TENM3: variants seen among roughly 807,000 people sequenced by gnomAD.
TENM3 encodes teneurin transmembrane protein 3.
In TENM3, 63 loss-of-function variants were observed where a neutral mutation model predicts 255.1. The observed-to-expected ratio is 0.25, with a 90% CI of 0.20 to 0.30. TENM3 has a LOEUF of 0.30. Among genes scored for constraint, TENM3 ranks in the 10% least tolerant of loss-of-function variants. The probability of loss-of-function intolerance (pLI) is 1.00; values close to 1 mark genes in which losing one functional copy is unlikely to be tolerated. For synonymous variants in TENM3, 1,306 were observed against 1,322.3 expected, an observed-to-expected ratio of 0.99 and a Z score of 0.27; for missense variants, 2,929 against 3,461.1, an observed-to-expected ratio of 0.85 and a Z score of 3.86.
In TENM3 at chr4:182,753,517, A is replaced by G. The variant is rs779159140; in HGVS notation, c.3930A>G (p.Gln1310=). Reference sequence around the variant, plus strand: ...GAACCATGATTAGGAAAGTTGACCAAAATGGAATCATATCAACTCTTCTGG... The same window carrying G: ...GAACCATGATTAGGAAAGTTGACCAGAATGGAATCATATCAACTCTTCTGG... ...VDGTMIRKVD[Q]NGIISTLLGS... is the part of the protein sequence containing the mutation. The change falls in exon 21 of 28, where the codon CAA becomes CAG. Residue 1310 remains glutamine, a synonymous_variant. Coordinates refer to ENST00000511685, the MANE Select transcript of TENM3 (RefSeq NM_001080477.4). 7.4e-6 allele frequency: 12 copies of G among 1,613,778 alleles called. No homozygotes were observed. In the East Asian group the frequency reaches 2.5e-4, roughly 33 times the overall value.
chr4:181,499,466 A>G, the TENM3 span, among the ~76,000 whole-genome samples: 1 of 152,202 alleles, frequency 6.6e-6, no homozygotes, highest in Non-Finnish European at 1.5e-5. Context: ...CATCGTTGTT[A>G]TCTTGAACAA....
the TENM3 span, among the ~76,000 whole-genome samples, chr4:181,821,295 T>C: frequency 1.3e-5 from 2 of 152,208 alleles, no homozygotes; most frequent in Non-Finnish European, 2.9e-5. Context: ...TGCCGCTTGC[T>C]CCAAAAAAGC....
chr4:182,752,448 C>A (rs1762441243), intron 20 of TENM3, among the ~76,000 whole-genome samples: 1 of 152,082 alleles, frequency 6.6e-6, no homozygotes, highest in African/African-American at 2.4e-5. Flanking sequence ...GAGCCCTCAC[C>A]CTCTTTGGAG....
rs569587072 is a variant in TENM3, at chr4:182,695,093, A to G, written c.2221+6742A>G. On this transcript the variant is annotated intron_variant, in intron 12 of 27. Coordinates refer to ENST00000511685, the MANE Select transcript of TENM3 (RefSeq NM_001080477.4). Reference sequence around the variant, plus strand: ...AATATCTTTTTAGATTTTAAGTCACATTTTGTTTATAATTTCCAATAACAG... The same window carrying G: ...AATATCTTTTTAGATTTTAAGTCACGTTTTGTTTATAATTTCCAATAACAG... Among the ~76,000 whole-genome samples, 6 of 152,318 alleles carry G rather than the reference A, an allele frequency of 3.9e-5. No individual in the cohort carries two copies. In the East Asian group the frequency reaches 1.2e-3, roughly 29 times the overall value.
chr4:182,104,316 C>T, the TENM3 span, among the ~76,000 whole-genome samples: 1 of 152,098 alleles, frequency 6.6e-6, no homozygotes, highest in African/African-American at 2.4e-5. Flanking sequence ...ACATGATCCC[C>T]TTGAATAGGG....
the TENM3 span, among the ~76,000 whole-genome samples, chr4:182,110,456 G>T: frequency 2.0e-5 from 3 of 151,902 alleles, no homozygotes; most frequent in Admixed American, 6.6e-5. Context: ...TCCCGAGTAG[G>T]TGGGACCACT....
intron 6 of TENM3, among the ~76,000 whole-genome samples, chr4:182,671,858 A>C (rs1755244468): frequency 6.6e-6 from 1 of 152,198 alleles, no homozygotes; most frequent in African/African-American, 2.4e-5. Flanking sequence ...TAAAAAAGAC[A>C]AAGTTGGTAG....
chr4:182,123,751 G>A, the TENM3 span, among the ~76,000 whole-genome samples: 219 of 152,246 alleles, frequency 1.4e-3, 3 homozygotes, highest in African/African-American at 5.0e-3. Flanking sequence ...GTGAGCACAC[G>A]CTGTTGGAAA....
intron 3 of TENM3, among the ~76,000 whole-genome samples, chr4:182,550,378 A>G (rs1317309846): frequency 6.6e-6 from 1 of 152,180 alleles, no homozygotes; most frequent in African/African-American, 2.4e-5. Context: ...GGTTCACTGT[A>G]TATCTCTCTG....
At chr4:182,442,823 C>CATAT (rs1321590848) in intron 3 of TENM3, among the ~76,000 whole-genome samples, 1 of 136,814 alleles carries the variant, frequency 7.3e-6, no homozygotes, top group Non-Finnish European at 1.6e-5. Context: ...CATATATATA[C>CATAT]ATATATATAC....
chr4:181,680,042 G>C, the TENM3 span, among the ~76,000 whole-genome samples: 6 of 152,154 alleles, frequency 3.9e-5, no homozygotes, highest in Non-Finnish European at 5.9e-5. Context: ...TGTCAGTGTA[G>C]CTCTCAGCTA....
chr4:181,619,012 C>G, the TENM3 span, among the ~76,000 whole-genome samples: 1 of 152,154 alleles, frequency 6.6e-6, no homozygotes, highest in Admixed American at 6.5e-5. Flanking sequence ...ACCACATAAG[C>G]AGGCTTCCTT....
the TENM3 span, among the ~76,000 whole-genome samples, chr4:181,656,545 C>T: frequency 8.3e-4 from 126 of 152,164 alleles, 1 homozygote; most frequent in African/African-American, 2.9e-3. Flanking sequence ...CAGATGGGCC[C>T]AGGAGAGCAG....
At chr4:182,267,796 G>A (rs960528150) in intron 1 of TENM3, among the ~76,000 whole-genome samples, 2 of 151,048 alleles carry the variant, frequency 1.3e-5, no homozygotes, top group African/African-American at 4.9e-5. Flanking sequence ...GTATAATAAA[G>A]CAAATCAGTC....
chr4:181,833,863 A>G, the TENM3 span, among the ~76,000 whole-genome samples: 3 of 152,124 alleles, frequency 2.0e-5, no homozygotes, highest in African/African-American at 7.2e-5. Flanking sequence ...GTGTCCTGCT[A>G]TCATTTCTGT....
intron 3 of TENM3, among the ~76,000 whole-genome samples, chr4:182,598,167 C>T (rs1451842785): frequency 1.3e-5 from 2 of 152,144 alleles, no homozygotes; most frequent in African/African-American, 2.4e-5. Context: ...GGCAACAGAG[C>T]GAGACCCTGT....
the TENM3 span, among the ~76,000 whole-genome samples, chr4:181,523,171 G>T: frequency 6.6e-6 from 1 of 152,050 alleles, no homozygotes; most frequent in African/African-American, 2.4e-5. Context: ...GCTTGAAATT[G>T]GCTTTACCAA....
At chr4:182,115,850 TAA>T in the TENM3 span, among the ~76,000 whole-genome samples, 1 of 152,074 alleles carries the variant, frequency 6.6e-6, no homozygotes, top group Non-Finnish European at 1.5e-5. Flanking sequence ...CCCAGAAAAA[TAA>T]AAGATATGGC....
chr4:182,417,907 T>C lies in TENM3; in HGVS notation c.511+70978T>C, dbSNP rs80351836. On this transcript the variant is annotated intron_variant, in intron 3 of 27. Transcript: ENST00000511685. ...TACCTAAATGTTTGATATCTGTACA[T>C]CTCTCCAAAATGAAGATTTACATTT... Among the ~76,000 whole-genome samples the C allele has an allele frequency of 1.9e-3, 287 of 152,320 alleles. 9 individuals are homozygous for C. In the East Asian group the frequency reaches 0.049, roughly 26 times the overall value.
Sources: allele counts gnomAD v4.1 joint callset (sites outside exome capture counted in the v4.1 genomes callset), GRCh38; gene constraint gnomAD v4.1.1; transcripts MANE v1.5; gene names NCBI Gene and HGNC (gene_info 2026-07-23, HGNC 2026-07-21).